Variants in MRC1 observed in about 807,000 individuals in gnomAD.
MRC1 encodes the protein mannose receptor C-type 1.
In MRC1, 62 loss-of-function variants were observed where a neutral mutation model predicts 102.9. That is an observed-to-expected ratio of 0.60 (90% CI 0.49 to 0.74). The LOEUF is 0.74. MRC1 is among the 30% of genes least tolerant of loss of function. The pLI, the probability that MRC1 is intolerant of heterozygous loss-of-function variation, is 0.00. For missense variants in MRC1, 1,237 were observed against 862.8 expected (o/e 1.43, Z -5.43); for synonymous variants, 457 against 298.4 (o/e 1.53, Z -5.48).
intron 5 of MRC1, among the ~76,000 whole-genome samples, chr10:17,841,612 A>G (rs1387570719): frequency 6.6e-6 from 1 of 152,178 alleles, no homozygotes; most frequent in Non-Finnish European, 1.5e-5. Flanking sequence ...TTGAGCAACT[A>G]TTTAGAGAAA....
intron 14 of MRC1, among the ~76,000 whole-genome samples, chr10:17,871,500 A>G (rs1376351605): frequency 1.3e-5 from 2 of 152,170 alleles, no homozygotes; most frequent in African/African-American, 4.8e-5. Context: ...CATTTTGGCA[A>G]AGTTTAGTAG....
rs975408927 is a variant in MRC1 at position 17,864,737 on chromosome 10, G to A, written c.1783+1055G>A. Among the ~76,000 whole-genome samples the A allele has an allele frequency of 1.3e-4, 20 of 151,026 alleles. 1 individual carries two copies. The East Asian group carries it at 3.9e-3, about 30-fold the overall frequency. On this transcript the variant is annotated intron_variant, in intron 11 of 29. Coordinates refer to ENST00000569591, the MANE Select transcript of MRC1 (RefSeq NM_002438.4). Reference sequence around the variant, plus strand: ...CCAGCTACTTGGGAGGCTGAGGCAGGAGAATTGCTTGAACCTGGAAGGCAG... The same window carrying A: ...CCAGCTACTTGGGAGGCTGAGGCAGAAGAATTGCTTGAACCTGGAAGGCAG...
chr10:17,830,198 C>G (rs1838547710), intron 3 of MRC1, among the ~76,000 whole-genome samples: 1 of 151,252 alleles, frequency 6.6e-6, no homozygotes. Context: ...TTAGCATGAT[C>G]TTGGCTCACC....
Position 17,910,407 on chromosome 10 carries a change from C to G in MRC1, c.4313C>G (p.Thr1438Ser). ...TTTAACAGTCAGTCAAGCCCAGGAA[C>G]TAGTGATATGAAAGATCTCGTGGGC... Reference protein sequence around the residue: ...LYFNSQSSPGTSDMKDLVGNI... With the variant: ...LYFNSQSSPGSSDMKDLVGNI... The change falls in exon 30 of 30, where the codon ACT becomes AGT. Residue 1438 changes from threonine (T) to serine (S), a missense_variant. Physicochemically the swap from Thr to Ser is moderately conservative, Grantham distance 58. Transcript: ENST00000569591. The G allele has an allele frequency of 1.3e-6, 1 of 780,758 alleles. No homozygotes were observed. Among genetic ancestry groups the G allele is most frequent in the Non-Finnish European group, 2.4e-6 (1 of 417,954 alleles). The allele number at this position is 780,758 out of a possible 1,614,324, so 48.4% of individuals were successfully genotyped here.
In MRC1 at chr10:17,845,307, C is replaced by A. The variant is rs1838809722; in HGVS notation, c.935C>A (p.Pro312His). 1 of 780,652 alleles carries A rather than the reference C, an allele frequency of 1.3e-6. No homozygotes were observed. The highest frequency in any genetic ancestry group is 1.7e-5 in the Admixed American group (1 of 59,014). 48.4% of individuals were successfully genotyped at this position (780,652 alleles called of 1,614,324 possible). ...CTCGAAGGAAGTCCATCAGCTGAAC[C>A]TGGAAAAAGCTGTGTGTCACTAAAT... is the stretch of plus-strand genomic sequence containing the variant. ...NWLPGSPSAE[P>H]GKSCVSLNPG... The change falls in exon 6 of 30, where the codon CCT (proline) becomes CAT (histidine). Residue 312 changes from proline (P) to histidine (H), a missense_variant. Coordinates refer to ENST00000569591, the MANE Select transcript of MRC1 (RefSeq NM_002438.4).
chr10:17,892,428 T>A (rs1833692199), intron 22 of MRC1, among the ~76,000 whole-genome samples: 1 of 152,220 alleles, frequency 6.6e-6, no homozygotes, highest in Non-Finnish European at 1.5e-5. Flanking sequence ...TGGTCAATTC[T>A]TATTCCCTAT....
chr10:17,910,336 A>G lies in MRC1; in HGVS notation c.4242A>G (p.Arg1414=). 1 of 780,826 alleles carries G rather than the reference A, an allele frequency of 1.3e-6. No homozygotes were observed. Among genetic ancestry groups the G allele is most frequent in the Admixed American group, 1.7e-5 (1 of 59,026 alleles). 48.4% of individuals were successfully genotyped at this position (780,826 alleles called of 1,614,324 possible). ...GLAAYFFYKK[R]RVHLPQEGAF... Reference sequence around the variant, plus strand: ...CCGCCTATTTCTTTTATAAGAAAAGACGTGTGCACCTACCTCAAGAGGGCG... The same window carrying G: ...CCGCCTATTTCTTTTATAAGAAAAGGCGTGTGCACCTACCTCAAGAGGGCG... The change falls in exon 30 of 30, where the codon AGA becomes AGG. Residue 1414 remains arginine (R), a synonymous_variant. Coordinates refer to ENST00000569591, the MANE Select transcript of MRC1 (RefSeq NM_002438.4).
chr10:17,828,117 C>T (rs1838509899), intron 3 of MRC1, among the ~76,000 whole-genome samples: 1 of 152,182 alleles, frequency 6.6e-6, no homozygotes, highest in Non-Finnish European at 1.5e-5. Context: ...CGCTGTGTCT[C>T]CCAGGCTGGA....
Position 17,823,166 on chromosome 10 carries a change from G to T in MRC1, c.154G>T (p.Asp52Tyr), listed in dbSNP as rs1838421340. ...CGTCCAAACCGCAGCTTGCAACCAG[G>T]ATGCCGAATCACAGAAATTCCGATG... is the stretch of plus-strand genomic sequence containing the variant. ...SAVQTAACNQ[D>Y]AESQKFRWVS... The change falls in exon 2 of 30, where the codon GAT becomes TAT. Residue 52 changes from aspartate to tyrosine, a missense_variant. Coordinates refer to ENST00000569591, the MANE Select transcript of MRC1 (RefSeq NM_002438.4). The T allele has an allele frequency of 1.3e-6, 1 of 780,706 alleles. No homozygotes were observed. The highest frequency in any genetic ancestry group is 2.4e-6 in the Non-Finnish European group (1 of 417,964). 48.4% of individuals were successfully genotyped at this position (780,706 alleles called of 1,614,324 possible). A position where few individuals can be genotyped will look rare whatever the true frequency, so the allele number is the denominator to read the frequency against.
chr10:17,864,550 C>T (rs886897296), intron 11 of MRC1, among the ~76,000 whole-genome samples: 19 of 151,908 alleles, frequency 1.3e-4, no homozygotes, highest in African/African-American at 4.4e-4. Context: ...AAGTGGAGGT[C>T]GGCCGCGGTG....
At chr10:17,904,002 T>C (rs1833864804) in intron 26 of MRC1, among the ~76,000 whole-genome samples, 1 of 152,144 alleles carries the variant, frequency 6.6e-6, no homozygotes, top group African/African-American at 2.4e-5. Flanking sequence ...AAACATTTAA[T>C]TTTAATAGTG....
intron 26 of MRC1, among the ~76,000 whole-genome samples, chr10:17,905,897 A>T (rs1279538698): frequency 2.0e-5 from 3 of 152,194 alleles, no homozygotes; most frequent in Non-Finnish European, 2.9e-5. Flanking sequence ...TAATGAAGTG[A>T]TTGGAAAATT....
intron 1 of MRC1, among the ~76,000 whole-genome samples, chr10:17,811,410 C>A (rs896082686): frequency 1.3e-5 from 2 of 152,104 alleles, no homozygotes; most frequent in African/African-American, 2.4e-5. Flanking sequence ...CAGCAGGATG[C>A]CCTCCTCTGA....
rs927943415 is a variant in MRC1 at position 17,878,473 on chromosome 10, A to G, written c.2618+506A>G. ...TTTCTATTAGATATAGGAGCCAGAA[A>G]AAGCTGTAGGGACATGAGAAAATGA... On this transcript the variant is annotated intron_variant, in intron 18 of 29. Transcript: ENST00000569591. 2.3e-3 allele frequency among the ~76,000 whole-genome samples: 349 copies of G among 152,268 alleles called. 1 individual carries two copies. Among genetic ancestry groups the G allele is most frequent in the Non-Finnish European group, 3.0e-3 (206 of 68,020 alleles).
At chr10:17,820,676 A>T (rs1241642595) in intron 1 of MRC1, among the ~76,000 whole-genome samples, 1 of 151,802 alleles carries the variant, frequency 6.6e-6, no homozygotes, top group Non-Finnish European at 1.5e-5. Flanking sequence ...GTGGAAGATA[A>T]GTCCAGCTTT....
rs1371276371 is a variant in MRC1 at position 17,894,286 on chromosome 10, G to A, written c.3224G>A (p.Arg1075Gln). Residue 1075 changes from arginine (R) to glutamine (Q), a missense_variant, in exon 23 of 30, where the codon CGA becomes CAA. Physicochemically the swap from Arg to Gln is conservative, Grantham distance 43. Coordinates refer to ENST00000569591, the MANE Select transcript of MRC1 (RefSeq NM_002438.4). ...ATGGATGATACCTGCGACAGTAAACGAGGCTACATATGCCAGACACGATCC... is the reference window on the plus strand; with the variant it reads ...ATGGATGATACCTGCGACAGTAAACAAGGCTACATATGCCAGACACGATCC... Reference protein sequence around the residue: ...KWMDDTCDSKRGYICQTRSDP... With the variant: ...KWMDDTCDSKQGYICQTRSDP... The A allele has an allele frequency of 2.3e-6, 2 of 872,324 alleles. No individual in the cohort carries two copies. The highest frequency in any genetic ancestry group is 2.4e-5 in the East Asian group (1 of 41,688). 54.0% of individuals were successfully genotyped at this position (872,324 alleles called of 1,614,324 possible). A position where few individuals can be genotyped will look rare whatever the true frequency, so the allele number is the denominator to read the frequency against.
intron 11 of MRC1, 72 bp downstream of exon 11, chr10:17,863,754 G>C: frequency 1.3e-6 from 1 of 742,898 alleles, no homozygotes; most frequent in Non-Finnish European, 2.5e-6. Context: ...TTATTCCTCC[G>C]GGTATCTCTG....
intron 1 of MRC1, among the ~76,000 whole-genome samples, chr10:17,821,206 C>A (rs1290917946): frequency 6.6e-6 from 1 of 152,026 alleles, no homozygotes; most frequent in African/African-American, 2.4e-5. Flanking sequence ...GAACTAGGAA[C>A]CCAGGTGGCA....
At chr10:17,862,192 C>T (rs1173264149) in intron 10 of MRC1, among the ~76,000 whole-genome samples, 1 of 151,648 alleles carries the variant, frequency 6.6e-6, no homozygotes, top group African/African-American at 2.4e-5. Flanking sequence ...CGAGGCAGAC[C>T]GAATAAAATG....
Sources: gnomAD v4.1 joint callset for allele counts (sites outside exome capture counted in the v4.1 genomes callset) on GRCh38, gnomAD v4.1.1 for gene constraint, MANE v1.5 for transcripts, NCBI Gene and HGNC (gene_info 2026-07-23, HGNC 2026-07-21) for gene names.